Variants in C1orf21 observed in about 807,000 individuals in gnomAD.
C1orf21 encodes uncharacterized protein C1orf21.
Under a neutral mutation model 18.7 loss-of-function variants are expected in C1orf21, and 3 were observed. The ratio of observed to expected loss-of-function variants is 0.16; its 90% CI spans 0.07 to 0.42. The LOEUF is 0.42. Among genes scored for constraint, C1orf21 ranks in the 10% least tolerant of loss-of-function variants. The pLI, the probability that C1orf21 is intolerant of heterozygous loss-of-function variation, is 0.99. For missense variants in C1orf21, 104 were observed against 143.6 expected, an observed-to-expected ratio of 0.72 and a Z score of 1.41; for synonymous variants, 41 against 46.4, an observed-to-expected ratio of 0.88 and a Z score of 0.47.
At chr1:184,572,122 T>C (rs766449089) in intron 3 of C1orf21, among the ~76,000 whole-genome samples, 2 of 152,168 alleles carry the variant, frequency 1.3e-5, no homozygotes, top group Non-Finnish European at 2.9e-5. Context: ...GTGCTGTCAA[T>C]GAGAGCTATT....
intron 1 of C1orf21, among the ~76,000 whole-genome samples, chr1:184,417,959 T>C (rs947248513): frequency 1.3e-5 from 2 of 152,220 alleles, no homozygotes; most frequent in Non-Finnish European, 2.9e-5. Context: ...CCTTTCAATG[T>C]CTTTGGTTCA....
At chr1:184,401,077 A>AT in intron 1 of C1orf21, among the ~76,000 whole-genome samples, 1 of 152,170 alleles carries the variant, frequency 6.6e-6, no homozygotes, top group South Asian at 2.1e-4. Flanking sequence ...TGTAATTTTA[A>AT]TTTTTATCTC....
chr1:184,459,713 G>A (rs1192306194), intron 1 of C1orf21, among the ~76,000 whole-genome samples: 1 of 152,108 alleles, frequency 6.6e-6, no homozygotes, highest in African/African-American at 2.4e-5. Context: ...GGTCTAGTTG[G>A]AAAGAAGACA....
In C1orf21 at chr1:184,477,486, G is replaced by T. The variant is rs761753363; in HGVS notation, c.-24G>T. 1 of 1,603,520 alleles carries T rather than the reference G, an allele frequency of 6.2e-7. No homozygotes were observed. Among genetic ancestry groups the T allele is most frequent in the Admixed American group, 1.7e-5 (1 of 59,160 alleles). On this transcript the variant is annotated 5_prime_UTR_variant, in exon 2 of 6. Coordinates refer to ENST00000235307, the MANE Select transcript of C1orf21 (RefSeq NM_030806.4). ...GTAGAGATGATTTGCAGTTCAGCCCGGCTGAAGCTGACCGAATGAGACTAT... is the reference window on the plus strand; with the variant it reads ...GTAGAGATGATTTGCAGTTCAGCCCTGCTGAAGCTGACCGAATGAGACTAT...
intron 3 of C1orf21, among the ~76,000 whole-genome samples, chr1:184,511,940 T>TC (rs1174222340): frequency 1.3e-5 from 2 of 152,106 alleles, no homozygotes; most frequent in Non-Finnish European, 2.9e-5. Flanking sequence ...ATGAGGTCCT[T>TC]CCCCTTACAA....
intron 2 of C1orf21, among the ~76,000 whole-genome samples, chr1:184,486,892 A>G (rs948805503): frequency 1.3e-5 from 2 of 152,182 alleles, no homozygotes; most frequent in Non-Finnish European, 2.9e-5. Context: ...AGGGCCCTCC[A>G]AGTCCCTTTG....
At chr1:184,618,863 A>G (rs1659873204) in intron 5 of C1orf21, among the ~76,000 whole-genome samples, 1 of 152,172 alleles carries the variant, frequency 6.6e-6, no homozygotes, top group Admixed American at 6.5e-5. Flanking sequence ...CCCAGCCCCA[A>G]TCATGTCTTC....
chr1:184,417,682 A>G (rs148075718), intron 1 of C1orf21, among the ~76,000 whole-genome samples: 1 of 152,350 alleles, frequency 6.6e-6, no homozygotes, highest in East Asian at 1.9e-4. Context: ...CTTGCAGTAG[A>G]AGATATTTCA....
intron 1 of C1orf21, among the ~76,000 whole-genome samples, chr1:184,411,436 T>TG (rs1656351296): frequency 6.8e-6 from 1 of 146,340 alleles, no homozygotes; most frequent in South Asian, 2.2e-4. Context: ...TTTTTTTTTT[T>TG]TTTGAGACGG....
chr1:184,555,075 C>T (rs1420681842), intron 3 of C1orf21, among the ~76,000 whole-genome samples: 1 of 152,202 alleles, frequency 6.6e-6, no homozygotes, highest in Non-Finnish European at 1.5e-5. Flanking sequence ...TCCCATTTCC[C>T]TTTGCCTTCA....
chr1:184,478,023 T>G (rs1252778703), intron 2 of C1orf21, among the ~76,000 whole-genome samples: 1 of 152,146 alleles, frequency 6.6e-6, no homozygotes, highest in African/African-American at 2.4e-5. Flanking sequence ...ACATCATAAT[T>G]TATACAAAGT....
chr1:184,534,099 C>G lies in C1orf21; in HGVS notation c.189+26417C>G, dbSNP rs1032794838. Among the ~76,000 whole-genome samples the G allele has an allele frequency of 4.8e-4, 73 of 152,308 alleles. 1 individual carries two copies. Among genetic ancestry groups the G allele is most frequent in the Middle Eastern group, 3.4e-3 (1 of 294 alleles). On this transcript the variant is annotated intron_variant, in intron 3 of 5. Coordinates refer to ENST00000235307, the MANE Select transcript of C1orf21 (RefSeq NM_030806.4). ...CCACAGTAACCACTCTGAATAGTTT[C>G]TTTCTTTCCCGTCTCTGATAATAAT...
intron 1 of C1orf21, among the ~76,000 whole-genome samples, chr1:184,442,360 C>G (rs1365553230): frequency 6.6e-6 from 1 of 152,064 alleles, no homozygotes; most frequent in Non-Finnish European, 1.5e-5. Context: ...TCACTTTGCC[C>G]CTCTGAGTTT....
chr1:184,390,731 AG>A (rs1254645199), intron 1 of C1orf21, among the ~76,000 whole-genome samples: 1 of 152,170 alleles, frequency 6.6e-6, no homozygotes, highest in Non-Finnish European at 1.5e-5. Context: ...TACTGTGTAA[AG>A]ATACTTTTAT....
intron 3 of C1orf21, among the ~76,000 whole-genome samples, chr1:184,523,416 A>G (rs892006872): frequency 2.6e-5 from 4 of 152,176 alleles, no homozygotes; most frequent in African/African-American, 9.6e-5. Context: ...ATTGAGGGGC[A>G]TTCTACAAAA....
chr1:184,397,302 G>A (rs1376626120), intron 1 of C1orf21, among the ~76,000 whole-genome samples: 1 of 152,196 alleles, frequency 6.6e-6, no homozygotes, highest in Non-Finnish European at 1.5e-5. Context: ...AAACTGTATG[G>A]CTGGCTAGGC....
At chr1:184,567,477 T>G (rs16823311) in intron 3 of C1orf21, 77,861 of 538,638 alleles carry the variant, frequency 0.14, 6,547 homozygotes, top group East Asian at 0.19. Context: ...GCAGAGATGC[T>G]GTATTGGATT....
At chr1:184,489,854 G>A (rs1255195134) in intron 2 of C1orf21, among the ~76,000 whole-genome samples, 2 of 152,222 alleles carry the variant, frequency 1.3e-5, no homozygotes, top group African/African-American at 4.8e-5. Flanking sequence ...TACGATGGCA[G>A]TCTCTTTATT....
At chr1:184,416,530 CAA>C in intron 1 of C1orf21, among the ~76,000 whole-genome samples, 1 of 152,066 alleles carries the variant, frequency 6.6e-6, no homozygotes, top group Admixed American at 6.5e-5. Flanking sequence ...TAAAAAAAAG[CAA>C]AAATGTCCAG....
Sources: allele counts gnomAD v4.1 joint callset (sites outside exome capture counted in the v4.1 genomes callset), GRCh38; gene constraint gnomAD v4.1.1; transcripts MANE v1.5; gene names NCBI Gene and HGNC (gene_info 2026-07-23, HGNC 2026-07-21).